Variants in RGS20 observed in about 807,000 individuals in gnomAD.
RGS20 encodes regulator of G protein signaling 20.
Under a neutral mutation model 33.6 loss-of-function variants are expected in RGS20, and 30 were observed. That is an observed-to-expected ratio of 0.89 (90% CI 0.67 to 1.21). The LOEUF (loss-of-function observed/expected upper bound fraction) is 1.21. Ranked by LOEUF, RGS20 falls within the 50% of genes most tolerant of loss-of-function variation. The pLI, the probability that RGS20 is intolerant of heterozygous loss-of-function variation, is 0.00. For missense variants in RGS20, 472 were observed against 502.4 expected, an observed-to-expected ratio of 0.94 and a Z score of 0.58; for synonymous variants, 208 against 197.9, an observed-to-expected ratio of 1.05 and a Z score of -0.43.
intron 1 of RGS20, among the ~76,000 whole-genome samples, chr8:53,871,258 T>G (rs1374337147): frequency 6.6e-6 from 1 of 152,096 alleles, no homozygotes; most frequent in Non-Finnish European, 1.5e-5. Flanking sequence ...CTTGCTTTTG[T>G]CCTCATTTGA....
intron 1 of RGS20, among the ~76,000 whole-genome samples, chr8:53,861,790 A>C (rs570894661): frequency 6.6e-5 from 10 of 152,366 alleles, no homozygotes; most frequent in African/African-American, 2.4e-4. Flanking sequence ...AATAAAATCC[A>C]GGTACTATTG....
At chr8:53,924,183 A>T (rs1315477863) in intron 2 of RGS20, among the ~76,000 whole-genome samples, 1 of 151,216 alleles carries the variant, frequency 6.6e-6, no homozygotes, top group Non-Finnish European at 1.5e-5. Context: ...AGACCCAGCT[A>T]ATTTTTTTAT....
intron 5 of RGS20, 87 bp from the exon 5 acceptor site, chr8:53,958,183 C>T: frequency 1.0e-6 from 1 of 983,546 alleles, no homozygotes. Flanking sequence ...ACAAAAACAA[C>T]AACAAAAATC....
At chr8:53,949,851 T>C (rs1814659409) in intron 4 of RGS20, among the ~76,000 whole-genome samples, 1 of 151,542 alleles carries the variant, frequency 6.6e-6, no homozygotes, top group Non-Finnish European at 1.5e-5. Context: ...ATTTCTTTTT[T>C]TTTTTTGAGA....
chr8:53,943,268 T>C (rs1814362749), intron 3 of RGS20, among the ~76,000 whole-genome samples: 1 of 152,166 alleles, frequency 6.6e-6, no homozygotes, highest in African/African-American at 2.4e-5. Flanking sequence ...GATTTATCCA[T>C]ATTAATATAC....
intron 2 of RGS20, among the ~76,000 whole-genome samples, chr8:53,906,213 A>G (rs61654796): frequency 0.066 from 10,059 of 152,094 alleles, 1,008 homozygotes; most frequent in African/African-American, 0.22. Context: ...CGTCCCTACT[A>G]AAAATACAAA....
intron 1 of RGS20, among the ~76,000 whole-genome samples, chr8:53,873,417 A>C (rs1184545893): frequency 6.6e-5 from 10 of 152,200 alleles, no homozygotes. Flanking sequence ...AGCCTCTAGT[A>C]ACCTCTATTC....
At chr8:53,954,824 A>T (rs1814816445) in intron 5 of RGS20, among the ~76,000 whole-genome samples, 1 of 148,068 alleles carries the variant, frequency 6.8e-6, no homozygotes, top group African/African-American at 2.5e-5. Flanking sequence ...AGTAGCTGGG[A>T]TTATAGGTGC....
intron 2 of RGS20, chr8:53,879,971 C>G (rs777909682): frequency 3.3e-5 from 8 of 245,886 alleles, no homozygotes; most frequent in Non-Finnish European, 6.2e-5. Context: ...TCCCAGCGCT[C>G]GCTCTCCCAC....
intron 2 of RGS20, among the ~76,000 whole-genome samples, chr8:53,899,548 CA>C (rs1001587877): frequency 6.6e-6 from 1 of 152,194 alleles, no homozygotes; most frequent in African/African-American, 2.4e-5. Flanking sequence ...AGAGACCCAG[CA>C]CCCCTTAGCC....
At chr8:53,929,604 G>A (rs1436034197) in intron 2 of RGS20, among the ~76,000 whole-genome samples, 1 of 152,164 alleles carries the variant, frequency 6.6e-6, no homozygotes, top group South Asian at 2.1e-4. Context: ...AAAGGTGGAG[G>A]TTGCAGTGAG....
chr8:53,858,356 C>T (rs1811729371), intron 1 of RGS20, among the ~76,000 whole-genome samples: 1 of 152,036 alleles, frequency 6.6e-6, no homozygotes, highest in African/African-American at 2.4e-5. Context: ...AATTGAAAAC[C>T]ATTCTATCAA....
chr8:53,947,569 T>A (rs1020521572), intron 4 of RGS20, among the ~76,000 whole-genome samples: 1 of 131,870 alleles, frequency 7.6e-6, no homozygotes, highest in African/African-American at 2.7e-5. Flanking sequence ...ATATAGGATA[T>A]AGTATATACA....
rs926426733 is a variant in RGS20 at position 53,939,686 on chromosome 8, A to G, written c.621A>G (p.Ala207=). 5.7e-6 allele frequency: 9 copies of G among 1,570,972 alleles called. No individual in the cohort carries two copies. The highest frequency in any genetic ancestry group is 7.8e-6 in the Non-Finnish European group (9 of 1,157,890). Residue 207 remains alanine (A), a synonymous_variant, in exon 3 of 6, where the codon GCA becomes GCG. Coordinates refer to ENST00000297313, the MANE Select transcript of RGS20 (RefSeq NM_170587.4). ...GAGCGGGGAGTCGCGGGTCCAACGC[A>G]TGCTGCTTCTGCTGGTGCTGCTGTT...
In RGS20 at chr8:53,942,796, T is replaced by G. The variant is rs530285037; in HGVS notation, c.659+3072T>G. Among the ~76,000 whole-genome samples, 39 of 145,800 alleles carry G rather than the reference T, an allele frequency of 2.7e-4. 1 individual carries two copies. Among genetic ancestry groups the G allele is most frequent in the Non-Finnish European group, 5.4e-4 (36 of 66,702 alleles). On this transcript the variant is annotated intron_variant, in intron 3 of 5. Coordinates refer to ENST00000297313, the MANE Select transcript of RGS20 (RefSeq NM_170587.4). ...TTGAGCCCAGGAGTTCGAGACCAGCTGGGGCAACACAGCGAGACCATGTCT... is the reference window on the plus strand; with the variant it reads ...TTGAGCCCAGGAGTTCGAGACCAGCGGGGGCAACACAGCGAGACCATGTCT...
At chr8:53,922,801 C>T (rs953364055) in intron 2 of RGS20, among the ~76,000 whole-genome samples, 3 of 152,156 alleles carry the variant, frequency 2.0e-5, no homozygotes, top group Admixed American at 6.6e-5. Flanking sequence ...GCTAGGACTA[C>T]ATGTGTGCAC....
intron 2 of RGS20, among the ~76,000 whole-genome samples, chr8:53,938,199 A>C (rs1814190225): frequency 6.6e-6 from 1 of 152,218 alleles, no homozygotes; most frequent in South Asian, 2.1e-4. Context: ...AATTCTATGC[A>C]GCCATTAAAC....
chr8:53,926,062 T>G (rs1563405393), intron 2 of RGS20, among the ~76,000 whole-genome samples: 1 of 152,052 alleles, frequency 6.6e-6, no homozygotes, highest in East Asian at 1.9e-4. Context: ...AATTGTTAAT[T>G]AGCTGGGTAT....
chr8:53,953,511 ACT>A (rs996936240), intron 4 of RGS20, among the ~76,000 whole-genome samples: 11 of 112,388 alleles, frequency 9.8e-5, no homozygotes, highest in South Asian at 9.2e-4. Context: ...ACAAAGTGAG[ACT>A]CTGTCTCAAA....
Sources: gnomAD v4.1 joint callset for allele counts (sites outside exome capture counted in the v4.1 genomes callset) on GRCh38, gnomAD v4.1.1 for gene constraint, MANE v1.5 for transcripts, NCBI Gene and HGNC (gene_info 2026-07-23, HGNC 2026-07-21) for gene names.